Variants in RBMS3 observed in about 807,000 individuals in gnomAD.
The protein encoded by RBMS3 is RNA binding motif single stranded interacting protein 3.
A neutral mutation model predicts 66.8 loss-of-function variants in RBMS3; 27 were observed. That is an observed-to-expected ratio of 0.40 (90% confidence interval 0.30 to 0.56). The LOEUF (loss-of-function observed/expected upper bound fraction) is 0.56. RBMS3 is among the 20% of genes least tolerant of loss of function. The pLI, the probability that RBMS3 is intolerant of heterozygous loss-of-function variation, is 0.40. For missense variants in RBMS3, 513 were observed against 549.5 expected (o/e 0.93, Z 0.66); for synonymous variants, 188 against 183.0 (o/e 1.03, Z -0.22).
At chr3:29,816,749 G>A (rs867014311) in intron 6 of RBMS3, among the ~76,000 whole-genome samples, 2 of 152,112 alleles carry the variant, frequency 1.3e-5, no homozygotes, top group African/African-American at 4.8e-5. Flanking sequence ...CAAAACAGTT[G>A]GCACAGAGTA....
intron 3 of RBMS3, 58 bp downstream of exon 3, chr3:29,488,557 C>T: frequency 3.4e-6 from 5 of 1,473,670 alleles, no homozygotes; most frequent in Non-Finnish European, 3.8e-6. Flanking sequence ...ATTAATGGTT[C>T]TTCCATTGTG....
chr3:29,674,639 T>C (rs1424418705), intron 4 of RBMS3, among the ~76,000 whole-genome samples: 1 of 147,926 alleles, frequency 6.8e-6, no homozygotes, highest in Non-Finnish European at 1.5e-5. Context: ...ATGAGTGAAC[T>C]CCCATTCACA....
At chr3:29,555,056 A>G (rs1314615297) in intron 3 of RBMS3, among the ~76,000 whole-genome samples, 3 of 152,194 alleles carry the variant, frequency 2.0e-5, no homozygotes, top group African/African-American at 4.8e-5. Context: ...CTTCATTCAT[A>G]ATTCATGAGT....
At position 29,890,854 on chromosome 3, in the gene RBMS3, C is replaced by T. The variant is rs956081304; in HGVS notation, c.792-6525C>T. On this transcript the variant is annotated intron_variant, in intron 8 of 14. Coordinates refer to ENST00000383767, the MANE Select transcript of RBMS3 (RefSeq NM_001003793.3). ...GGTGAGACGGAAACTTATCTTTCAC[C>T]GTTTACGTTTTTATTTATTTTTTTT... 5.9e-5 allele frequency among the ~76,000 whole-genome samples: 9 copies of T among 151,386 alleles called. No individual in the cohort carries two copies. The East Asian group carries it at 7.8e-4, about 13-fold the overall frequency.
chr3:29,795,092 T>G (rs2057139198), intron 6 of RBMS3, among the ~76,000 whole-genome samples: 1 of 152,202 alleles, frequency 6.6e-6, no homozygotes, highest in Non-Finnish European at 1.5e-5. Flanking sequence ...ACTTCTCTAC[T>G]TGCCTCTTCC....
chr3:29,682,557 A>G (rs2051544651), intron 4 of RBMS3, among the ~76,000 whole-genome samples: 1 of 152,172 alleles, frequency 6.6e-6, no homozygotes, highest in Non-Finnish European at 1.5e-5. Flanking sequence ...AAGAGTACCA[A>G]GATTTCTTAC....
chr3:29,597,035 G>C (rs968791909), intron 4 of RBMS3, among the ~76,000 whole-genome samples: 2 of 152,102 alleles, frequency 1.3e-5, no homozygotes, highest in Non-Finnish European at 2.9e-5. Context: ...GGTGGAATGG[G>C]ACAAGATGGA....
intron 4 of RBMS3, chr3:29,614,371 GAAAT>G (rs1576362608): frequency 6.6e-6 from 1 of 152,150 alleles, no homozygotes; most frequent in Middle Eastern, 3.4e-3. Context: ...ATTGACAAGA[GAAAT>G]AAGTTCTAGT....
intron 3 of RBMS3, among the ~76,000 whole-genome samples, chr3:29,493,883 T>C (rs1036348511): frequency 6.6e-6 from 1 of 152,260 alleles, no homozygotes; most frequent in African/African-American, 2.4e-5. Context: ...ATGTGTGAGG[T>C]GCCTTTTTCA....
chr3:29,398,883 T>G (rs1293970174), intron 1 of RBMS3, among the ~76,000 whole-genome samples: 2 of 152,202 alleles, frequency 1.3e-5, no homozygotes, highest in Non-Finnish European at 2.9e-5. Flanking sequence ...AACTCAGCTT[T>G]AAGAGGACGA....
chr3:29,725,536 A>G (rs1270726256), intron 4 of RBMS3, among the ~76,000 whole-genome samples: 6 of 152,136 alleles, frequency 3.9e-5, no homozygotes, highest in Non-Finnish European at 5.9e-5. Flanking sequence ...AATAAAGGGG[A>G]TATCACCACT....
chr3:29,685,230 T>C (rs1337347745), intron 4 of RBMS3, among the ~76,000 whole-genome samples: 1 of 151,974 alleles, frequency 6.6e-6, no homozygotes, highest in Non-Finnish European at 1.5e-5. Flanking sequence ...AGCTAATTTT[T>C]TTTTGTATTT....
At chr3:29,983,917 TGTG>T (rs1698184336) in intron 12 of RBMS3, among the ~76,000 whole-genome samples, 1 of 152,148 alleles carries the variant, frequency 6.6e-6, no homozygotes, top group Non-Finnish European at 1.5e-5. Flanking sequence ...AGGAGTATAT[TGTG>T]GTGTTCTCTG....
chr3:29,999,815 G>T (rs1410360013), intron 14 of RBMS3, among the ~76,000 whole-genome samples: 1 of 151,964 alleles, frequency 6.6e-6, no homozygotes, highest in Non-Finnish European at 1.5e-5. Context: ...GCTAAATGAT[G>T]AGTTAATGGG....
chr3:29,979,349 C>T (rs1225041252), intron 12 of RBMS3, among the ~76,000 whole-genome samples: 1 of 152,080 alleles, frequency 6.6e-6, no homozygotes, highest in African/African-American at 2.4e-5. Flanking sequence ...TATTGAATGT[C>T]ATGAAAGAAG....
chr3:29,897,461 G>C lies in RBMS3; in HGVS notation c.874G>C (p.Val292Leu). 6.2e-7 allele frequency: 1 copy of C among 1,610,646 alleles called. No homozygotes were observed. The highest frequency in any genetic ancestry group is 1.3e-5 in the African/African-American group (1 of 74,706). ...SITPFIAASPVSTYQVQSTSW... is the reference protein window; with the variant it reads ...SITPFIAASPLSTYQVQSTSW... The stretch of plus-strand genomic sequence containing the variant: ...CACGCCATTCATTGCTGCTTCCCCT[G>C]TCTCCACATACCAGGTATGTCCAAT... The change falls in exon 9 of 15, where the codon GTC becomes CTC. Residue 292 changes from valine to leucine, a missense_variant. Physicochemically the swap from Val to Leu is conservative, Grantham distance 32. Coordinates refer to ENST00000383767, the MANE Select transcript of RBMS3 (RefSeq NM_001003793.3).
chr3:29,520,155 G>T (rs1190066934), intron 3 of RBMS3, among the ~76,000 whole-genome samples: 1 of 152,160 alleles, frequency 6.6e-6, no homozygotes, highest in Non-Finnish European at 1.5e-5. Context: ...AAGGAGCCAA[G>T]TGTAGCTACT....
chr3:29,290,867 A>G (rs1006281692), intron 1 of RBMS3: 1 of 151,892 alleles, frequency 6.6e-6, no homozygotes, highest in Non-Finnish European at 1.5e-5. Context: ...TCCATTCCAC[A>G]TCCAAAGACA....
intron 1 of RBMS3, among the ~76,000 whole-genome samples, chr3:29,345,451 T>G (rs1385498682): frequency 1.3e-5 from 2 of 152,190 alleles, no homozygotes; most frequent in Non-Finnish European, 2.9e-5. Context: ...CCCCACTCTT[T>G]GTCTCTCACT....
Sources: allele counts gnomAD v4.1 joint callset (sites outside exome capture counted in the v4.1 genomes callset), GRCh38; gene constraint gnomAD v4.1.1; transcripts MANE v1.5; gene names NCBI Gene and HGNC (gene_info 2026-07-23, HGNC 2026-07-21).